Variants in EXOC2 observed in about 807,000 individuals in gnomAD.
The protein encoded by EXOC2 is exocyst complex component 2.
Under a neutral mutation model 131.8 loss-of-function variants are expected in EXOC2, and 70 were observed. The observed-to-expected ratio is 0.53, with a 90% CI of 0.44 to 0.65. The LOEUF (loss-of-function observed/expected upper bound fraction) is 0.65. Among genes scored for constraint, EXOC2 ranks in the 30% least tolerant of loss-of-function variants. The pLI is 0.00. For missense variants in EXOC2, 923 were observed against 1,108.6 expected (o/e 0.83, Z 2.38); for synonymous variants, 411 against 398.4 (o/e 1.03, Z -0.38).
rs892219927 is a variant in EXOC2, at chr6:485,671, G to T, written c.*1000C>A. ...GAATGTGGGGCAAGTGCATGCGGCT[G>T]GTCTACAGCTCCCATTGCCTGGTGA... On this transcript the variant is annotated 3_prime_UTR_variant, in exon 28 of 28. Coordinates refer to ENST00000230449, the MANE Select transcript of EXOC2 (RefSeq NM_018303.6). 4 of 152,230 alleles carry T rather than the reference G, an allele frequency of 2.6e-5. No homozygotes were observed. The highest frequency in any genetic ancestry group is 5.9e-5 in the Non-Finnish European group (4 of 68,056). 9.4% of individuals were successfully genotyped at this position (152,230 alleles called of 1,614,324 possible). A position where few individuals can be genotyped will look rare whatever the true frequency, so the allele number is the denominator to read the frequency against.
Position 576,880 on chromosome 6 carries a change from T to A in EXOC2, c.1195A>T (p.Asn399Tyr), listed in dbSNP as rs765260713. The A allele has an allele frequency of 3.1e-6, 5 of 1,613,734 alleles. No homozygotes were observed. ...KEGYVKDLKG[N>Y]PGLHSPMLDL... ...AACATGGGACTGTGCAGGCCTGGGT[T>A]ACCTGGGGAAGAAAGGAGAGATATA... Residue 399 changes from asparagine (N) to tyrosine (Y), a missense_variant and splice_region_variant, in exon 12 of 28, where the codon AAC becomes TAC. Coordinates refer to ENST00000230449, the MANE Select transcript of EXOC2 (RefSeq NM_018303.6).
intron 23 of EXOC2, among the ~76,000 whole-genome samples, chr6:529,135 T>G (rs6909013): frequency 7.1e-6 from 1 of 140,106 alleles, no homozygotes; most frequent in Non-Finnish European, 1.6e-5. Context: ...CGCGCCCTGG[T>G]TACTGCTCAC....
chr6:557,600 A>AT, intron 17 of EXOC2, among the ~76,000 whole-genome samples: 1 of 135,962 alleles, frequency 7.4e-6, no homozygotes, highest in African/African-American at 2.8e-5. Flanking sequence ...CCTGGGTGAC[A>AT]GAGAGAGACT....
rs181922478 is a variant in EXOC2 at position 503,029 on chromosome 6, G to A, written c.2381-3329C>T. Among the ~76,000 whole-genome samples, 6 of 152,328 alleles carry A rather than the reference G, an allele frequency of 3.9e-5. No individual in the cohort carries two copies. In the East Asian group the frequency reaches 9.6e-4, roughly 24 times the overall value. ...GCCGGAGTGAGGCGGAGCTCTGCGA[G>A]CTGCCATCATAACCTCCCAGTGCAG... On this transcript the variant is annotated intron_variant, in intron 23 of 27. Coordinates refer to ENST00000230449, the MANE Select transcript of EXOC2 (RefSeq NM_018303.6).
At chr6:682,642 A>T (rs1409626980) in intron 1 of EXOC2, among the ~76,000 whole-genome samples, 1 of 152,190 alleles carries the variant, frequency 6.6e-6, no homozygotes, top group African/African-American at 2.4e-5. Context: ...TAACAATATT[A>T]TGCATATATT....
chr6:549,742 C>G (rs1280462315), intron 21 of EXOC2, among the ~76,000 whole-genome samples: 1 of 152,062 alleles, frequency 6.6e-6, no homozygotes, highest in African/African-American at 2.4e-5. Context: ...TTTTTATAAC[C>G]TGGAACAGAA....
rs145455011 is a variant in EXOC2, at chr6:491,761, C to T, written c.2560-575G>A. On this transcript the variant is annotated intron_variant, in intron 25 of 27. Transcript: ENST00000230449. ...ATAAGGAAATGCAAGGCACTCAGAA[C>T]AGCCAAAACAATCTTAGAGTAACAC... Among the ~76,000 whole-genome samples, 13 of 152,308 alleles carry T rather than the reference C, an allele frequency of 8.5e-5. No homozygotes were observed. In the East Asian group the frequency reaches 2.5e-3, roughly 29 times the overall value.
At chr6:593,806 G>A (rs1413781263) in intron 10 of EXOC2, among the ~76,000 whole-genome samples, 1 of 152,214 alleles carries the variant, frequency 6.6e-6, no homozygotes, top group Non-Finnish European at 1.5e-5. Context: ...GTGCACCCAT[G>A]CTTCCAGCCC....
intron 23 of EXOC2, among the ~76,000 whole-genome samples, chr6:519,130 C>A (rs62390395): frequency 2.2e-4 from 28 of 124,516 alleles, no homozygotes; most frequent in Admixed American, 7.8e-4. Flanking sequence ...CACCACCCAC[C>A]GAGCGCCGAC....
chr6:521,023 C>T (rs1381100586), intron 23 of EXOC2, among the ~76,000 whole-genome samples: 2 of 149,986 alleles, frequency 1.3e-5, no homozygotes, highest in African/African-American at 2.5e-5. Flanking sequence ...TGAAAACAAC[C>T]GCCCACCGAG....
At chr6:577,757 C>G (rs1202681121) in intron 11 of EXOC2, among the ~76,000 whole-genome samples, 1 of 152,192 alleles carries the variant, frequency 6.6e-6, no homozygotes, top group Admixed American at 6.5e-5. Context: ...ATTCTCCCTA[C>G]AAAAATACAC....
chr6:578,541 GAC>G (rs1758713297), intron 11 of EXOC2, among the ~76,000 whole-genome samples: 2 of 152,216 alleles, frequency 1.3e-5, no homozygotes, highest in African/African-American at 4.8e-5. Context: ...CCCTGGACGT[GAC>G]ACACTATCAT....
intron 7 of EXOC2, among the ~76,000 whole-genome samples, chr6:607,228 C>A (rs1737553): frequency 6.6e-6 from 1 of 152,124 alleles, no homozygotes; most frequent in African/African-American, 2.4e-5. Context: ...CCTATCAAAA[C>A]CACACACACA....
intron 1 of EXOC2, among the ~76,000 whole-genome samples, chr6:677,934 TCACACACACACA>T (rs1554150218): frequency 7.5e-5 from 11 of 147,202 alleles, no homozygotes; most frequent in Non-Finnish European, 1.5e-4. Context: ...TTATAATCTC[TCACACACACACA>T]CACACACACA....
rs1760390318 is a variant in EXOC2 at position 606,018 on chromosome 6, G to A, written c.742+4080C>T. ...TCCATGTAGTTGAGCAGTTTTGAGT[G>A]AGTTTCCATCAATGACAGACTGGAT... is the stretch of plus-strand genomic sequence containing the variant. On this transcript the variant is annotated intron_variant, in intron 7 of 27. Transcript: ENST00000230449. Among the ~76,000 whole-genome samples the A allele has an allele frequency of 2.0e-5, 3 of 152,154 alleles. No individual in the cohort carries two copies. The South Asian group carries it at 6.2e-4, about 32-fold the overall frequency.
rs542958644 is a variant in EXOC2 at position 620,533 on chromosome 6, T to G, written c.423-990A>C. Among the ~76,000 whole-genome samples, 7 of 152,240 alleles carry G rather than the reference T, an allele frequency of 4.6e-5. No homozygotes were observed. In the East Asian group the frequency reaches 1.4e-3, roughly 29 times the overall value. ...TCATAAGGTATAAACCAGACACAGA[T>G]CATTTGATAGGGTAGTATCTCTTTA... On this transcript the variant is annotated intron_variant, in intron 4 of 27. Transcript: ENST00000230449.
In EXOC2 at chr6:592,463, C is replaced by T. The variant is rs1202777096; in HGVS notation, c.1192+6G>A. 6 of 1,609,480 alleles carry T rather than the reference C, an allele frequency of 3.7e-6. No homozygotes were observed. Among genetic ancestry groups the T allele is most frequent in the Non-Finnish European group, 5.1e-6 (6 of 1,176,460 alleles). ...TCACACAACACATTGGAAGAGAAAT[C>T]CTTGCCTTTCAGATCTTTCACGTAG... On this transcript the variant is annotated splice_donor_region_variant and intron_variant, in intron 11 of 27. Coordinates refer to ENST00000230449, the MANE Select transcript of EXOC2 (RefSeq NM_018303.6).
intron 1 of EXOC2, chr6:657,209 A>T: frequency 2.8e-6 from 1 of 358,490 alleles, no homozygotes; most frequent in Non-Finnish European, 5.0e-6. Context: ...CACTCCGGTT[A>T]TAAGAAGAGT....
chr6:529,334 C>T (rs1271071533), intron 23 of EXOC2, among the ~76,000 whole-genome samples: 13 of 152,208 alleles, frequency 8.5e-5, no homozygotes, highest in Admixed American at 2.0e-4. Context: ...CTGCCCCTGC[C>T]GGTGTTCGGC....
Sources: allele counts gnomAD v4.1 joint callset (sites outside exome capture counted in the v4.1 genomes callset), GRCh38; gene constraint gnomAD v4.1.1; transcripts MANE v1.5; gene names NCBI Gene and HGNC (gene_info 2026-07-23, HGNC 2026-07-21).